The following COL6A5 variants were observed in gnomAD, a reference collection of about 807,000 sequenced individuals.
COL6A5 encodes the protein collagen alpha-5(VI) chain.
In COL6A5, 48 loss-of-function variants were observed where a neutral mutation model predicts 65.6. The observed-to-expected ratio is 0.73, with a 90% CI of 0.58 to 0.93. The LOEUF (loss-of-function observed/expected upper bound fraction) is 0.93. COL6A5 is among the 40% of genes least tolerant of loss of function. The probability of loss-of-function intolerance (pLI) is 0.00; values close to 1 mark genes in which losing one functional copy is unlikely to be tolerated. For synonymous variants in COL6A5, 291 were observed against 322.8 expected (o/e 0.90, Z 1.05); for missense variants, 914 against 928.3 (o/e 0.98, Z 0.20).
chr3:130,394,781 G>T (rs1381281325), intron 7 of COL6A5, 109 bp from the exon 8 acceptor site: 4 of 732,434 alleles, frequency 5.5e-6, no homozygotes, highest in African/African-American at 1.8e-5. Context: ...ATCTCAATTT[G>T]CTAATGTAAA....
chr3:130,410,338 A>C, intron 19 of COL6A5, 133 bp from the exon 20 acceptor site: 1 of 694,680 alleles, frequency 1.4e-6, no homozygotes. Flanking sequence ...TATAACTGTT[A>C]ATATGCAGAA....
At chr3:130,352,075 C>A (rs1364630334) in intron 1 of COL6A5, among the ~76,000 whole-genome samples, 1 of 152,140 alleles carries the variant, frequency 6.6e-6, no homozygotes, top group Non-Finnish European at 1.5e-5. Context: ...CCAAACACCG[C>A]ACGTTCTCAC....
chr3:130,428,234 G>C (rs2107690985), upstream of COL6A5, among the ~76,000 whole-genome samples: 1 of 152,276 alleles, frequency 6.6e-6, no homozygotes, highest in Non-Finnish European at 1.5e-5. Flanking sequence ...CCAGGATGCA[G>C]ACTGGAGATT....
At chr3:130,442,864 G>T (rs866314806) in intron 3 of COL6A5, among the ~76,000 whole-genome samples, 85 of 152,130 alleles carry the variant, frequency 5.6e-4, no homozygotes, top group African/African-American at 1.9e-3. Flanking sequence ...TAGATCCTTG[G>T]ATCAGTCAAT....
At chr3:130,451,635 CG>C (rs1166997463) in intron 4 of COL6A5, among the ~76,000 whole-genome samples, 1 of 151,608 alleles carries the variant, frequency 6.6e-6, no homozygotes, top group Non-Finnish European at 1.5e-5. Context: ...CTGTGTGAGT[CG>C]GGGCTGCAGG....
chr3:130,402,805 A>T (rs1936859501), intron 12 of COL6A5, among the ~76,000 whole-genome samples: 1 of 152,214 alleles, frequency 6.6e-6, no homozygotes. Context: ...CTATACATTT[A>T]TATTTTATAC....
intron 1 of COL6A5, among the ~76,000 whole-genome samples, chr3:130,361,552 T>C (rs1397277361): frequency 2.0e-5 from 3 of 152,074 alleles, no homozygotes; most frequent in Non-Finnish European, 4.4e-5. Context: ...TAGTTTTTTG[T>C]ATGGATGTAA....
At chr3:130,413,221 G>A (rs539531983) in intron 20 of COL6A5, among the ~76,000 whole-genome samples, 3 of 147,520 alleles carry the variant, frequency 2.0e-5, no homozygotes, top group Admixed American at 1.3e-4. Context: ...TGCTTTTTGG[G>A]ATTTGCCGGA....
chr3:130,372,671 G>C (rs568112025), intron 1 of COL6A5, among the ~76,000 whole-genome samples: 9 of 152,124 alleles, frequency 5.9e-5, no homozygotes, highest in Admixed American at 6.5e-5. Context: ...GAAGGGGAGT[G>C]GGGGAATGGG....
exon 3 of COL6A5, chr3:130,376,340 C>T (rs934219331): frequency 1.2e-6 from 2 of 1,613,750 alleles, no homozygotes; most frequent in South Asian, 1.1e-5. Flanking sequence ...ACAAAATGAT[C>T]AACAGTCTCC....
intron 8 of COL6A5, 73 bp downstream of exon 8, chr3:130,395,538 C>A: frequency 9.1e-7 from 1 of 1,093,576 alleles, no homozygotes; most frequent in Non-Finnish European, 1.3e-6. Flanking sequence ...GTCTTATGGG[C>A]TAGCTCTAGC....
intron 5 of COL6A5, among the ~76,000 whole-genome samples, chr3:130,462,321 A>C (rs1481143939): frequency 2.0e-5 from 3 of 152,078 alleles, no homozygotes; most frequent in Non-Finnish European, 4.4e-5. Context: ...GAAGTTAAGC[A>C]TGCGTCAGCA....
chr3:130,393,269 A>C (rs113641557), intron 7 of COL6A5, among the ~76,000 whole-genome samples: 2 of 152,080 alleles, frequency 1.3e-5, no homozygotes, highest in African/African-American at 4.8e-5. Flanking sequence ...CCTGCCCACC[A>C]TGAACACTCC....
Position 130,387,936 on chromosome 3 carries a change from G to GTA in COL6A5, c.1862-631_1862-630dup, listed in dbSNP as rs150981344. The stretch of plus-strand genomic sequence containing the variant: ...AACATACATATGTGTGTATATATAT[G>GTA]TATATATATATATACGTATGTCTGT... On this transcript the variant is annotated intron_variant and NMD_transcript_variant, in intron 5 of 41. Coordinates refer to the COL6A5 transcript ENST00000312481. Among the ~76,000 whole-genome samples the GTA allele has an allele frequency of 4.3e-3, 642 of 149,968 alleles. 3 individuals are homozygous for GTA. The highest frequency in any genetic ancestry group is 0.013 in the African/African-American group (545 of 40,940).
At chr3:130,430,212 C>T (rs780254102), upstream of COL6A5, among the ~76,000 whole-genome samples, 1 of 152,142 alleles carries the variant, frequency 6.6e-6, no homozygotes, top group Non-Finnish European at 1.5e-5. Flanking sequence ...CTTAATTCTG[C>T]AAAAATATAC....
At chr3:130,393,652 G>T (rs1219733591) in intron 7 of COL6A5, among the ~76,000 whole-genome samples, 1 of 152,180 alleles carries the variant, frequency 6.6e-6, no homozygotes, top group Non-Finnish European at 1.5e-5. Context: ...ATCCACACCT[G>T]TAAAATAAAT....
In COL6A5 at chr3:130,398,119, G is replaced by GA; in HGVS notation, c.3991+8_3991+9insA. 8.7e-7 allele frequency: 1 copy of GA among 1,151,408 alleles called. No individual in the cohort carries two copies. The allele number at this position is 1,151,408 out of a possible 1,614,324, so 71.3% of individuals were successfully genotyped here. On this transcript the variant is annotated intron_variant and NMD_transcript_variant, in intron 10 of 41. Coordinates refer to the COL6A5 transcript ENST00000312481. ...ACAGGCTCAGAGAAGCAGGTATTGAGTTGTTGTTGTTTTTTTTTTTTTTTT... is the reference window on the plus strand; with the variant it reads ...ACAGGCTCAGAGAAGCAGGTATTGAGATTGTTGTTGTTTTTTTTTTTTTTTT...
intron 2 of COL6A5, 57 bp from the exon 35 acceptor site, chr3:130,440,109 C>A: frequency 3.6e-6 from 5 of 1,396,026 alleles, no homozygotes; most frequent in Non-Finnish European, 4.9e-6. Flanking sequence ...AGATCTCAAA[C>A]AAGTGTCTTG....
intron 7 of COL6A5, among the ~76,000 whole-genome samples, chr3:130,475,503 GA>G (rs1710071436): frequency 6.6e-6 from 1 of 151,666 alleles, no homozygotes; most frequent in South Asian, 2.1e-4. Context: ...TATGGACACA[GA>G]ATTTTATATC....
Sources: allele counts gnomAD v4.1 joint callset (sites outside exome capture counted in the v4.1 genomes callset), GRCh38; gene constraint gnomAD v4.1.1; transcripts MANE v1.5; gene names NCBI Gene and HGNC (gene_info 2026-07-23, HGNC 2026-07-21).